PDE8B: variants seen among roughly 807,000 people sequenced by gnomAD.
PDE8B encodes high affinity cAMP-specific and IBMX-insensitive 3',5'-cyclic phosphodiesterase 8B.
PDE8B carries 26 observed loss-of-function variants against 101.3 expected under a neutral mutation model. That is an observed-to-expected ratio of 0.26 (90% CI 0.19 to 0.36). The LOEUF (loss-of-function observed/expected upper bound fraction) is 0.36, where lower values mean the gene tolerates loss of function less well. PDE8B is among the 10% of genes least tolerant of loss of function. The pLI, the probability that PDE8B is intolerant of heterozygous loss-of-function variation, is 1.00. For missense variants in PDE8B, 810 were observed against 1,163.1 expected, an observed-to-expected ratio of 0.70 and a Z score of 4.42; for synonymous variants, 424 against 429.3, an observed-to-expected ratio of 0.99 and a Z score of 0.15.
the PDE8B span, among the ~76,000 whole-genome samples, chr5:77,203,219 C>G: frequency 6.6e-6 from 1 of 152,336 alleles, no homozygotes; most frequent in African/African-American, 2.4e-5. Context: ...GCACATTATT[C>G]TCTCTGGAAT....
chr5:77,281,867 A>G (rs1039664698), intron 1 of PDE8B, among the ~76,000 whole-genome samples: 8 of 151,778 alleles, frequency 5.3e-5, no homozygotes, highest in African/African-American at 1.7e-4. Context: ...ACTGTGCGCT[A>G]CTCCAACCCC....
chr5:77,294,853 A>AAT (rs1768164129), intron 1 of PDE8B, among the ~76,000 whole-genome samples: 18 of 148,234 alleles, frequency 1.2e-4, no homozygotes. Flanking sequence ...TTCATTATAT[A>AAT]ATATATATAT....
chr5:77,267,158 G>A (rs1290976616), intron 1 of PDE8B, among the ~76,000 whole-genome samples: 3 of 152,102 alleles, frequency 2.0e-5, no homozygotes, highest in Non-Finnish European at 4.4e-5. Flanking sequence ...AATAGCAAGA[G>A]GCCAGGCATG....
the PDE8B span, among the ~76,000 whole-genome samples, chr5:77,170,955 A>AC: frequency 6.6e-6 from 1 of 152,250 alleles, no homozygotes; most frequent in Non-Finnish European, 1.5e-5. Context: ...AAGATGTAAG[A>AC]CATTGTCTTG....
Position 77,272,805 on chromosome 5 carries a change from A to G in PDE8B, c.340-39189A>G, listed in dbSNP as rs537366909. Among the ~76,000 whole-genome samples, 3 of 152,360 alleles carry G rather than the reference A, an allele frequency of 2.0e-5. No homozygotes were observed. The East Asian group carries it at 5.8e-4, about 29-fold the overall frequency. On this transcript the variant is annotated intron_variant, in intron 1 of 21. Coordinates refer to ENST00000264917, the MANE Select transcript of PDE8B (RefSeq NM_003719.5). ...ATAACCGAAGGTCCTAGCAAGAGCC[A>G]TATGGAAGTGGTCAACTAGGAGGTT... is the stretch of plus-strand genomic sequence containing the variant.
intron 1 of PDE8B, among the ~76,000 whole-genome samples, chr5:77,233,688 G>C (rs1301722192): frequency 7.4e-6 from 1 of 134,584 alleles, no homozygotes; most frequent in Non-Finnish European, 1.6e-5. Flanking sequence ...GTGTGTGTGT[G>C]TGTGTGTGTG....
In PDE8B at chr5:77,419,684, G is replaced by A; in HGVS notation, c.2130-83G>A. 2.0e-6 allele frequency: 3 copies of A among 1,510,868 alleles called. No homozygotes were observed. In the South Asian group the frequency reaches 3.4e-5, roughly 17 times the overall value. 93.6% of individuals were successfully genotyped at this position (1,510,868 alleles called of 1,614,324 possible). On this transcript the variant is annotated intron_variant, in intron 18 of 21. Coordinates refer to ENST00000264917, the MANE Select transcript of PDE8B (RefSeq NM_003719.5). ...GTGCCCCAGCTTCCTCCTAGGTTGT[G>A]AGGAGTGTAGTGAAATGGTGGCAGA...
chr5:77,361,551 A>G (rs536026973), intron 10 of PDE8B, among the ~76,000 whole-genome samples: 320 of 142,182 alleles, frequency 2.3e-3, no homozygotes, highest in African/African-American at 8.1e-3. Context: ...GTCTCGCTCT[A>G]TTGCCCAGGC....
chr5:77,421,661 C>G (rs1263047156), intron 19 of PDE8B, among the ~76,000 whole-genome samples, 160 bp from the exon 20 acceptor site: 2 of 151,924 alleles, frequency 1.3e-5, no homozygotes, highest in Non-Finnish European at 2.9e-5. Flanking sequence ...AAGAATGTGT[C>G]AGTATATTAT....
At chr5:77,175,367 C>T in the PDE8B span, among the ~76,000 whole-genome samples, 1 of 152,210 alleles carries the variant, frequency 6.6e-6, no homozygotes, top group Non-Finnish European at 1.5e-5. Flanking sequence ...GTTGTCACTT[C>T]CTTGAACTCA....
the PDE8B span, chr5:77,113,051 T>C: frequency 6.6e-6 from 1 of 152,218 alleles, no homozygotes; most frequent in Admixed American, 6.5e-5. Context: ...TCAATGCTCA[T>C]GGATAGGAAG....
Position 77,423,632 on chromosome 5 carries a change from G to GTTTTTTTTT in PDE8B, c.2418+1663_2418+1671dup, listed in dbSNP as rs71594634. ...TGATGCTGGACTTTTGTTTTGTTTA[G>GTTTTTTTTT]TTTTTTTTTTTTTTTTTTTTTTTTT... On this transcript the variant is annotated intron_variant, in intron 20 of 21. Transcript: ENST00000264917. Among the ~76,000 whole-genome samples the GTTTTTTTTT allele has an allele frequency of 5.5e-3, 406 of 73,992 alleles. 56 individuals carry two copies. The highest frequency in any genetic ancestry group is 9.3e-3 in the Middle Eastern group (1 of 108). The allele number at this position is 73,992 out of a possible 152,430, so 48.5% of individuals were successfully genotyped here. A position where few individuals can be genotyped will look rare whatever the true frequency, so the allele number is the denominator to read the frequency against.
intron 10 of PDE8B, among the ~76,000 whole-genome samples, chr5:77,358,727 G>A (rs1782565950): frequency 6.6e-6 from 1 of 152,178 alleles, no homozygotes; most frequent in Non-Finnish European, 1.5e-5. Flanking sequence ...ATCCAAGTGT[G>A]ACTTCTTTTT....
intron 1 of PDE8B, among the ~76,000 whole-genome samples, chr5:77,217,739 G>A (rs778301264): frequency 2.2e-4 from 34 of 152,012 alleles, no homozygotes; most frequent in African/African-American, 3.1e-4. Context: ...GTCTCGCCAC[G>A]TTACCCAGGC....
intron 10 of PDE8B, among the ~76,000 whole-genome samples, chr5:77,394,690 A>G (rs1236237865): frequency 6.6e-6 from 1 of 152,242 alleles, no homozygotes; most frequent in Non-Finnish European, 1.5e-5. Context: ...TAAAACATTT[A>G]AGGAAAAGAG....
At chr5:77,414,558 C>T (rs1183363432) in intron 17 of PDE8B, among the ~76,000 whole-genome samples, 1 of 151,528 alleles carries the variant, frequency 6.6e-6, no homozygotes, top group Admixed American at 6.6e-5. Flanking sequence ...GTAGCTGGGA[C>T]TACAGGCGTA....
chr5:77,230,991 C>CT (rs1753443766), intron 1 of PDE8B, among the ~76,000 whole-genome samples: 1 of 152,126 alleles, frequency 6.6e-6, no homozygotes, highest in African/African-American at 2.4e-5. Context: ...AGTGCAGAAA[C>CT]TAAGATTTCG....
At chr5:77,132,216 C>A in the PDE8B span, among the ~76,000 whole-genome samples, 1 of 152,060 alleles carries the variant, frequency 6.6e-6, no homozygotes, top group Non-Finnish European at 1.5e-5. Context: ...AGATTTGCAA[C>A]CAAATAGAAC....
intron 10 of PDE8B, among the ~76,000 whole-genome samples, chr5:77,369,203 CAAAAA>C (rs70988667): frequency 4.6e-3 from 360 of 79,034 alleles, no homozygotes; most frequent in African/African-American, 0.017. Flanking sequence ...TCCACTGTCT[CAAAAA>C]AAAAAAAAAA....
Sources: gnomAD v4.1 joint callset for allele counts (sites outside exome capture counted in the v4.1 genomes callset) on GRCh38, gnomAD v4.1.1 for gene constraint, MANE v1.5 for transcripts, NCBI Gene and HGNC (gene_info 2026-07-23, HGNC 2026-07-21) for gene names.